ATP2B1: variants seen among roughly 807,000 people sequenced by gnomAD.
ATP2B1 encodes ATPase plasma membrane Ca2+ transporting 1.
Under a neutral mutation model 124.2 loss-of-function variants are expected in ATP2B1, and 14 were observed. That is an observed-to-expected ratio of 0.11 (90% CI 0.07 to 0.18). The LOEUF is 0.18. Among genes scored for constraint, ATP2B1 ranks in the 10% least tolerant of loss-of-function variants. ATP2B1 has a pLI of 1.00. For synonymous variants in ATP2B1, 449 were observed against 492.4 expected (o/e 0.91, Z 1.17); for missense variants, 763 against 1,466.1 (o/e 0.52, Z 7.83).
intron 18 of ATP2B1, among the ~76,000 whole-genome samples, chr12:89,601,880 G>T (rs1022128289): frequency 6.6e-6 from 1 of 152,028 alleles, no homozygotes; most frequent in East Asian, 1.9e-4. Context: ...CTGGAAAAAT[G>T]CACAATATTA....
intron 1 of ATP2B1, among the ~76,000 whole-genome samples, chr12:89,681,187 C>T (rs906577956): frequency 1.1e-4 from 16 of 151,980 alleles, no homozygotes; most frequent in Middle Eastern, 3.4e-3. Flanking sequence ...ATGCTGATAA[C>T]GTAGGAAAAA....
At chr12:89,696,825 T>C (rs1318946867) in intron 1 of ATP2B1, among the ~76,000 whole-genome samples, 2 of 152,114 alleles carry the variant, frequency 1.3e-5, no homozygotes, top group Non-Finnish European at 2.9e-5. Context: ...CTCATTTAAA[T>C]GGGTTAATAT....
chr12:89,599,282 T>G lies in ATP2B1; in HGVS notation c.3186A>C (p.Pro1062=). 6.2e-7 allele frequency: 1 copy of G among 1,614,100 alleles called. No homozygotes were observed. The highest frequency in any genetic ancestry group is 8.5e-7 in the Non-Finnish European group (1 of 1,179,970). ...CTTTGAGGAATTTTAAACGGCTAGT[T>G]GGAATTGTTGAAATAAGCTACAACA... The part of the protein sequence containing the change: ...LLWGQLISTI[P]TSRLKFLKEA... The change falls in exon 20 of 21, where the codon CCA becomes CCC. Residue 1062 remains proline, a synonymous_variant. Transcript: ENST00000428670.
intron 6 of ATP2B1, among the ~76,000 whole-genome samples, 168 bp from the exon 7 acceptor site, chr12:89,627,884 T>TA (rs913122307): frequency 1.3e-5 from 2 of 152,256 alleles, no homozygotes; most frequent in Admixed American, 1.3e-4. Flanking sequence ...AATCACTCCC[T>TA]AAGTCTTACC....
chr12:89,640,747 G>GACT (rs1883377316), intron 3 of ATP2B1, among the ~76,000 whole-genome samples: 1 of 152,036 alleles, frequency 6.6e-6, no homozygotes, highest in South Asian at 2.1e-4. Flanking sequence ...TCCCCATGGT[G>GACT]ACTACTTCAC....
chr12:89,640,370 C>T (rs1480427282), intron 3 of ATP2B1, among the ~76,000 whole-genome samples: 1 of 152,204 alleles, frequency 6.6e-6, no homozygotes, highest in African/African-American at 2.4e-5. Flanking sequence ...ACTTTGCCCC[C>T]TATGGGACAC....
At position 89,689,047 on chromosome 12, in the gene ATP2B1, T is replaced by G. The variant is rs181908256; in HGVS notation, c.-222+19549A>C. On this transcript the variant is annotated intron_variant, in intron 1 of 20. Coordinates refer to ENST00000428670, the MANE Select transcript of ATP2B1 (RefSeq NM_001366521.1). Reference sequence around the variant, plus strand: ...ACCTTAGTTCACCACATTCACTGACTTCAGTGAATCTAAAAACCACCTATT... The same window carrying G: ...ACCTTAGTTCACCACATTCACTGACGTCAGTGAATCTAAAAACCACCTATT... Among the ~76,000 whole-genome samples the G allele has an allele frequency of 1.3e-5, 2 of 152,178 alleles. 1 individual carries two copies. Among genetic ancestry groups the G allele is most frequent in the East Asian group, 3.9e-4 (2 of 5,182 alleles).
At chr12:89,612,100 A>C (rs888375871) in intron 12 of ATP2B1, 1 of 152,104 alleles carries the variant, frequency 6.6e-6, no homozygotes, top group African/African-American at 2.4e-5. Flanking sequence ...TGCCCAACCT[A>C]CTGCAATGGC....
intron 1 of ATP2B1, among the ~76,000 whole-genome samples, chr12:89,658,645 G>GAGAGAT (rs1555204352): frequency 4.3e-5 from 6 of 137,986 alleles, no homozygotes; most frequent in East Asian, 4.0e-4. Context: ...GAGAGAGAGA[G>GAGAGAT]AGATAGAGAT....
chr12:89,678,221 C>A (rs1443035164), intron 1 of ATP2B1, among the ~76,000 whole-genome samples: 1 of 151,856 alleles, frequency 6.6e-6, no homozygotes, highest in African/African-American at 2.4e-5. Flanking sequence ...CCCCAATAAC[C>A]CATACTTCAA....
chr12:89,682,886 G>A (rs946302286), intron 1 of ATP2B1, among the ~76,000 whole-genome samples: 2 of 152,056 alleles, frequency 1.3e-5, no homozygotes, highest in Non-Finnish European at 2.9e-5. Flanking sequence ...CATAAGCAAA[G>A]ATGAGACAGA....
At chr12:89,619,564 T>G (rs1263976013) in intron 11 of ATP2B1, among the ~76,000 whole-genome samples, 1 of 146,456 alleles carries the variant, frequency 6.8e-6, no homozygotes, top group East Asian at 2.0e-4. Context: ...TGAGCTGAGA[T>G]CGCGCCACTG....
chr12:89,706,378 T>TAA (rs200346218), intron 1 of ATP2B1, among the ~76,000 whole-genome samples: 41 of 136,656 alleles, frequency 3.0e-4, no homozygotes, highest in Admixed American at 3.7e-4. Context: ...GGCCTACAGC[T>TAA]AAAAAAAAAA....
At chr12:89,607,573 A>T (rs182580455) in intron 15 of ATP2B1, among the ~76,000 whole-genome samples, 1 of 152,184 alleles carries the variant, frequency 6.6e-6, no homozygotes, top group African/African-American at 2.4e-5. Flanking sequence ...AATTTAAATA[A>T]AAGTATTTTA....
At chr12:89,643,052 A>G (rs79699283) in intron 2 of ATP2B1, among the ~76,000 whole-genome samples, 1 of 147,818 alleles carries the variant, frequency 6.8e-6, no homozygotes, top group Non-Finnish European at 1.5e-5. Flanking sequence ...GGAAGTTTAT[A>G]TATAAAGATA....
intron 20 of ATP2B1, chr12:89,594,216 A>C (rs954602056): frequency 6.6e-6 from 1 of 152,076 alleles, no homozygotes. Flanking sequence ...TATAAAGAAC[A>C]TAAGAAAGCA....
chr12:89,635,361 T>C (rs1882533625), intron 3 of ATP2B1, 110 bp from the exon 4 acceptor site: 3 of 1,255,866 alleles, frequency 2.4e-6, no homozygotes, highest in East Asian at 2.5e-5. Context: ...TCAATTTTAC[T>C]TATAGCAATA....
Position 89,626,549 on chromosome 12 carries a change from TCACCATCTC to T in ATP2B1, c.1025_1033del (p.Gly342_Gly344del). On this transcript the variant is annotated inframe_deletion, in exon 8 of 21. Transcript: ENST00000428670. ...ATTTGCTTTCTTTTTATCTTTTTCA[TCACCATCTC>T]CACCTTCTTCACTCTTCAATGGCTG... The T allele has an allele frequency of 6.2e-7, 1 of 1,613,920 alleles. No homozygotes were observed. The highest frequency in any genetic ancestry group is 8.5e-7 in the Non-Finnish European group (1 of 1,179,944).
chr12:89,684,065 GA>G (rs954490637), intron 1 of ATP2B1, among the ~76,000 whole-genome samples: 5 of 151,960 alleles, frequency 3.3e-5, no homozygotes, highest in East Asian at 1.9e-4. Context: ...CATTAGGGGG[GA>G]AAAAAAGCAA....
Sources: gnomAD v4.1 joint callset for allele counts (sites outside exome capture counted in the v4.1 genomes callset) on GRCh38, gnomAD v4.1.1 for gene constraint, MANE v1.5 for transcripts, NCBI Gene and HGNC (gene_info 2026-07-23, HGNC 2026-07-21) for gene names.